KCNIP4: variants seen among roughly 807,000 people sequenced by gnomAD.
KCNIP4 encodes potassium voltage-gated channel interacting protein 4, also known as Kv channel-interacting protein 4.
Under a neutral mutation model 34.0 loss-of-function variants are expected in KCNIP4, and 12 were observed. The observed-to-expected ratio is 0.35, with a 90% CI of 0.23 to 0.57. KCNIP4 has a LOEUF of 0.57. Among genes scored for constraint, KCNIP4 ranks in the 20% least tolerant of loss-of-function variants. The pLI is 0.83. For synonymous variants in KCNIP4, 124 were observed against 102.2 expected, an observed-to-expected ratio of 1.21 and a Z score of -1.29; for missense variants, 238 against 311.7, an observed-to-expected ratio of 0.76 and a Z score of 1.78.
Position 21,091,816 on chromosome 4 carries a change from C to T in KCNIP4, c.62-209107G>A, listed in dbSNP as rs147954713. Among the ~76,000 whole-genome samples, 42 of 152,246 alleles carry T rather than the reference C, an allele frequency of 2.8e-4. No individual in the cohort carries two copies. The East Asian group carries it at 7.9e-3, about 29-fold the overall frequency. On this transcript the variant is annotated intron_variant, in intron 1 of 8. Transcript: ENST00000382152. ...AGACACCAATCCATTCATGAGCACT[C>T]CACCCTCAAGACCTGATTACCTCCT...
rs1485936251 is a variant in KCNIP4, at chr4:20,935,504, C to A, written c.62-52795G>T. Among the ~76,000 whole-genome samples the A allele has an allele frequency of 2.6e-5, 4 of 152,132 alleles. No individual in the cohort carries two copies. The East Asian group carries it at 7.7e-4, about 29-fold the overall frequency. On this transcript the variant is annotated intron_variant, in intron 1 of 8. Transcript: ENST00000382152. Reference sequence around the variant, plus strand: ...AGAAATGTATCAAGATATCTCCATACCTAATTCTACTACCTCTCTCTAGGC... The same window carrying A: ...AGAAATGTATCAAGATATCTCCATAACTAATTCTACTACCTCTCTCTAGGC...
intron 1 of KCNIP4, among the ~76,000 whole-genome samples, chr4:21,201,066 G>A (rs1756456312): frequency 6.6e-6 from 1 of 152,024 alleles, no homozygotes; most frequent in Admixed American, 6.6e-5. Context: ...CAAAAAAATG[G>A]GCTTTAATCC....
chr4:20,850,772 C>T (rs2149483322), intron 2 of KCNIP4, 105 bp from the exon 3 acceptor site: 1 of 1,349,050 alleles, frequency 7.4e-7, no homozygotes, highest in East Asian at 2.4e-5. Context: ...ATGTCTGTGA[C>T]TGTCCACAGA....
intron 1 of KCNIP4, among the ~76,000 whole-genome samples, chr4:20,887,663 T>G (rs561555331): frequency 1.3e-5 from 2 of 152,104 alleles, no homozygotes; most frequent in Non-Finnish European, 2.9e-5. Context: ...AGAATGAAGT[T>G]GAAATAAAGA....
At chr4:20,910,283 ATGTGTG>A (rs35143714) in intron 1 of KCNIP4, among the ~76,000 whole-genome samples, 1 of 149,704 alleles carries the variant, frequency 6.7e-6, no homozygotes, top group Non-Finnish European at 1.5e-5. Flanking sequence ...GTGTGTCTGT[ATGTGTG>A]TGTGTGTGTG....
intron 1 of KCNIP4, among the ~76,000 whole-genome samples, chr4:21,206,469 G>C (rs1756859549): frequency 1.3e-5 from 2 of 152,280 alleles, no homozygotes; most frequent in East Asian, 1.9e-4. Context: ...CAATTTGCTG[G>C]TTTGGAGGAA....
intron 1 of KCNIP4, among the ~76,000 whole-genome samples, chr4:21,052,973 G>A (rs1743055448): frequency 1.3e-5 from 2 of 151,628 alleles, no homozygotes; most frequent in African/African-American, 2.4e-5. Flanking sequence ...ATGAGAGAGA[G>A]AAAGAGAGAG....
intron 1 of KCNIP4, among the ~76,000 whole-genome samples, chr4:21,230,792 T>C (rs1032570871): frequency 6.6e-6 from 1 of 152,198 alleles, no homozygotes; most frequent in Non-Finnish European, 1.5e-5. Flanking sequence ...ATTCCATGTC[T>C]TTGCTATTGT....
At chr4:21,766,897 T>A (rs1718455888) in intron 1 of KCNIP4, among the ~76,000 whole-genome samples, 1 of 152,130 alleles carries the variant, frequency 6.6e-6, no homozygotes, top group Non-Finnish European at 1.5e-5. Flanking sequence ...TTATTTTAGG[T>A]ACTGAAATAT....
At chr4:20,851,775 A>T (rs1030791266) in intron 2 of KCNIP4, among the ~76,000 whole-genome samples, 2 of 152,226 alleles carry the variant, frequency 1.3e-5, no homozygotes, top group South Asian at 4.1e-4. Context: ...TATAACAACC[A>T]CTAGTTATAA....
intron 1 of KCNIP4, among the ~76,000 whole-genome samples, chr4:21,853,949 G>A (rs1724587402): frequency 6.6e-6 from 1 of 152,126 alleles, no homozygotes; most frequent in Non-Finnish European, 1.5e-5. Flanking sequence ...CTCTGTGCAA[G>A]GCCTTGAGAC....
chr4:21,517,809 T>A (rs943626316), intron 1 of KCNIP4, among the ~76,000 whole-genome samples: 2 of 152,156 alleles, frequency 1.3e-5, no homozygotes, highest in African/African-American at 4.8e-5. Context: ...ATGCCACCAC[T>A]AGTGCACCTG....
chr4:21,351,304 T>C lies in KCNIP4; in HGVS notation c.62-468595A>G, dbSNP rs192586480. On this transcript the variant is annotated intron_variant, in intron 1 of 8. Coordinates refer to ENST00000382152, the MANE Select transcript of KCNIP4 (RefSeq NM_025221.6). Reference sequence around the variant, plus strand: ...GTAGGAGGAACCTGGTGGGAGGTAATTGAATCATGGGGGATAGATTTTCCC... The same window carrying C: ...GTAGGAGGAACCTGGTGGGAGGTAACTGAATCATGGGGGATAGATTTTCCC... Among the ~76,000 whole-genome samples the C allele has an allele frequency of 3.3e-5, 5 of 152,260 alleles. No individual in the cohort carries two copies. In the East Asian group the frequency reaches 5.8e-4, roughly 18 times the overall value.
At chr4:21,550,508 G>A (rs972808216) in intron 1 of KCNIP4, among the ~76,000 whole-genome samples, 4 of 151,938 alleles carry the variant, frequency 2.6e-5, no homozygotes, top group Non-Finnish European at 5.9e-5. Flanking sequence ...CTCTTCTCTT[G>A]CAATGGGTCA....
chr4:21,519,427 CATATGTGT>C (rs1735112016), intron 1 of KCNIP4, among the ~76,000 whole-genome samples: 1 of 127,038 alleles, frequency 7.9e-6, no homozygotes, highest in East Asian at 2.3e-4. Flanking sequence ...TATATATACA[CATATGTGT>C]GTATATGTAT....
chr4:21,714,133 C>A (rs1325608711), intron 1 of KCNIP4, among the ~76,000 whole-genome samples: 1 of 152,024 alleles, frequency 6.6e-6, no homozygotes. Flanking sequence ...TGTTTTGTCA[C>A]CTTTGAGATG....
intron 1 of KCNIP4, among the ~76,000 whole-genome samples, chr4:21,017,366 A>C (rs1257513585): frequency 6.6e-6 from 1 of 152,074 alleles, no homozygotes; most frequent in South Asian, 2.1e-4. Context: ...GACAGGCTCT[A>C]GTGTGTGTTG....
intron 1 of KCNIP4, among the ~76,000 whole-genome samples, chr4:21,568,381 C>T (rs1183010217): frequency 6.6e-6 from 1 of 152,046 alleles, no homozygotes; most frequent in Non-Finnish European, 1.5e-5. Flanking sequence ...CTGTGTGAAC[C>T]TGATGGTTGA....
chr4:21,615,574 AC>A (rs1292059404), intron 1 of KCNIP4, among the ~76,000 whole-genome samples: 1 of 151,758 alleles, frequency 6.6e-6, no homozygotes, highest in Non-Finnish European at 1.5e-5. Flanking sequence ...ACAAAAAAAA[AC>A]ATATAAAAGT....
Sources: allele counts gnomAD v4.1 joint callset (sites outside exome capture counted in the v4.1 genomes callset), GRCh38; gene constraint gnomAD v4.1.1; transcripts MANE v1.5; gene names NCBI Gene and HGNC (gene_info 2026-07-23, HGNC 2026-07-21).